CRB1: variants seen among roughly 807,000 people sequenced by gnomAD.
CRB1 encodes crumbs cell polarity complex component 1.
In CRB1, 83 loss-of-function variants were observed where a neutral mutation model predicts 120.0. That is an observed-to-expected ratio of 0.69 (90% CI 0.58 to 0.83). CRB1 has a LOEUF of 0.83. Among genes scored for constraint, CRB1 ranks in the 40% least tolerant of loss-of-function variants. The probability of loss-of-function intolerance (pLI) is 0.00; values close to 1 mark genes in which losing one functional copy is unlikely to be tolerated. For synonymous variants in CRB1, 625 were observed against 612.5 expected, an observed-to-expected ratio of 1.02 and a Z score of -0.30; for missense variants, 1,699 against 1,687.6, an observed-to-expected ratio of 1.01 and a Z score of -0.12.
chr1:197,409,604 C>T (rs903583690), intron 5 of CRB1, among the ~76,000 whole-genome samples: 1 of 152,016 alleles, frequency 6.6e-6, no homozygotes, highest in Admixed American at 6.6e-5. Flanking sequence ...TTGTAGAGAA[C>T]AAATGACTTA....
At chr1:197,231,406 T>A in the CRB1 span, among the ~76,000 whole-genome samples, 1 of 152,062 alleles carries the variant, frequency 6.6e-6, no homozygotes, top group Non-Finnish European at 1.5e-5. Context: ...CACATGCCTG[T>A]TGCCAGGTGA....
chr1:197,441,721 C>G (rs1665451778), intron 10 of CRB1: 1 of 112,992 alleles, frequency 8.9e-6, no homozygotes, highest in African/African-American at 3.4e-5. Flanking sequence ...AGCCTGAGGG[C>G]TCTGATGCAT....
Position 197,427,931 on chromosome 1 carries a change from C to A in CRB1, c.2606C>A (p.Thr869Lys). The change falls in exon 7 of 12, where the codon ACA becomes AAA. Residue 869 changes from threonine to lysine, a missense_variant. By Grantham distance (78) the Thr-to-Lys change is moderately conservative (BLOSUM62 -1). Transcript: ENST00000367400. ...AATCTGGAATTCTTTCCAAATCCAA[C>A]AAACAATGCATCTCTCAATCCAGTT... ...NQNLEFFPNP[T>K]NNASLNPVLV... 6.2e-7 allele frequency: 1 copy of A among 1,614,014 alleles called. No homozygotes were observed. Among genetic ancestry groups the A allele is most frequent in the South Asian group, 1.1e-5 (1 of 91,082 alleles).
intron 11 of CRB1, among the ~76,000 whole-genome samples, chr1:197,445,582 T>A (rs1035797422): frequency 6.6e-6 from 1 of 152,196 alleles, no homozygotes; most frequent in African/African-American, 2.4e-5. Flanking sequence ...TCTTAAAATA[T>A]CTTTTGGCCA....
intron 1 of CRB1, among the ~76,000 whole-genome samples, chr1:197,277,057 T>A (rs1222882004): frequency 6.6e-6 from 1 of 151,950 alleles, no homozygotes; most frequent in East Asian, 1.9e-4. Flanking sequence ...AGTAATTTCA[T>A]CACAGAATTT....
chr1:197,453,545 G>T (rs376535788), intron 11 of CRB1, among the ~76,000 whole-genome samples: 33,981 of 118,704 alleles, frequency 0.29, 5,122 homozygotes, highest in Non-Finnish European at 0.35. Flanking sequence ...TATATAGAGA[G>T]AGAGACAGAG....
chr1:197,252,582 ATGTGTGTGTGTGTG>A, the CRB1 span, among the ~76,000 whole-genome samples: 19 of 15,504 alleles, frequency 1.2e-3, no homozygotes, highest in Admixed American at 5.7e-3. Context: ...ATATATATAT[ATGTGTGTGTGTGTG>A]TGTGTGTGTG....
At chr1:197,244,377 T>A in the CRB1 span, among the ~76,000 whole-genome samples, 1 of 151,926 alleles carries the variant, frequency 6.6e-6, no homozygotes, top group African/African-American at 2.4e-5. Context: ...ATTATCTTCA[T>A]TTTTCCTTAG....
chr1:197,225,468 A>T, the CRB1 span, among the ~76,000 whole-genome samples: 1 of 152,224 alleles, frequency 6.6e-6, no homozygotes, highest in Non-Finnish European at 1.5e-5. Context: ...TCTCAGTAAC[A>T]GAACACCAAT....
chr1:197,336,678 C>T (rs1273943822), intron 2 of CRB1, among the ~76,000 whole-genome samples: 1 of 152,146 alleles, frequency 6.6e-6, no homozygotes, highest in Non-Finnish European at 1.5e-5. Context: ...TTGCAATGCA[C>T]TGGGCATTGT....
chr1:197,429,332 A>T, intron 7 of CRB1, 117 bp from the exon 8 acceptor site: 2 of 1,410,038 alleles, frequency 1.4e-6, no homozygotes, highest in South Asian at 2.4e-5. Flanking sequence ...TAAAAGTTTA[A>T]AATGTAAAGA....
At chr1:197,418,917 T>G (rs944925410) in intron 5 of CRB1, among the ~76,000 whole-genome samples, 1 of 152,216 alleles carries the variant, frequency 6.6e-6, no homozygotes, top group African/African-American at 2.4e-5. Flanking sequence ...TACAGGACAC[T>G]ACACATGCCC....
At position 197,421,287 on chromosome 1, in the gene CRB1, T is replaced by C; in HGVS notation, c.1459T>C (p.Ser487Pro). ...GSLCEIATTLSFEGDGFLWVK... is the reference protein window; with the variant it reads ...GSLCEIATTLPFEGDGFLWVK... ...CCTGTGTGAAATCGCAACCACACTTTCATTTGAGGGCGATGGCTTCCTGTG... is the reference window on the plus strand; with the variant it reads ...CCTGTGTGAAATCGCAACCACACTTCCATTTGAGGGCGATGGCTTCCTGTG... Residue 487 changes from serine to proline, a missense_variant, in exon 6 of 12, where the codon TCA becomes CCA. Coordinates refer to ENST00000367400, the MANE Select transcript of CRB1 (RefSeq NM_201253.3). 1.2e-6 allele frequency: 2 copies of C among 1,614,224 alleles called. No homozygotes were observed. The highest frequency in any genetic ancestry group is 2.2e-5 in the South Asian group (2 of 91,082).
intron 5 of CRB1, among the ~76,000 whole-genome samples, chr1:197,400,372 C>T (rs568180982): frequency 5.4e-5 from 8 of 147,750 alleles, no homozygotes; most frequent in African/African-American, 1.5e-4. Context: ...AGAGCAGTGG[C>T]GCAATCTTGG....
At chr1:197,204,747 T>G in the CRB1 span, among the ~76,000 whole-genome samples, 1 of 152,244 alleles carries the variant, frequency 6.6e-6, no homozygotes, top group Admixed American at 6.5e-5. Flanking sequence ...TGCTGATTGT[T>G]TCTTTTGCTG....
chr1:197,429,308 T>C, intron 7 of CRB1, 141 bp from the exon 8 acceptor site: 1 of 1,300,512 alleles, frequency 7.7e-7, no homozygotes, highest in Non-Finnish European at 1.1e-6. Context: ...TTCTATTTAG[T>C]TAACAATGGA....
the CRB1 span, among the ~76,000 whole-genome samples, chr1:197,261,355 T>A: frequency 6.6e-6 from 1 of 152,234 alleles, no homozygotes; most frequent in Non-Finnish European, 1.5e-5. Context: ...TTGGAAACAT[T>A]GATTCCCAGA....
chr1:197,216,483 A>C, the CRB1 span, among the ~76,000 whole-genome samples: 1 of 152,226 alleles, frequency 6.6e-6, no homozygotes, highest in Non-Finnish European at 1.5e-5. Context: ...AGTATACTAC[A>C]ATACTGTATC....
intron 10 of CRB1, chr1:197,440,637 G>GAGA (rs1353838597): frequency 6.6e-6 from 1 of 152,224 alleles, no homozygotes; most frequent in South Asian, 2.1e-4. Context: ...AGAAATAGGT[G>GAGA]AGAAAGTGAT....
Sources: allele counts gnomAD v4.1 joint callset (sites outside exome capture counted in the v4.1 genomes callset), GRCh38; gene constraint gnomAD v4.1.1; transcripts MANE v1.5; gene names NCBI Gene and HGNC (gene_info 2026-07-23, HGNC 2026-07-21).